Variants in SLC38A4 observed in about 807,000 individuals in gnomAD.
The protein encoded by SLC38A4 is solute carrier family 38 member 4.
In SLC38A4, 20 loss-of-function variants were observed where a neutral mutation model predicts 63.1. The ratio of observed to expected loss-of-function variants is 0.32; its 90% CI spans 0.22 to 0.46. The LOEUF (loss-of-function observed/expected upper bound fraction) is 0.46. Among genes scored for constraint, SLC38A4 ranks in the 20% least tolerant of loss-of-function variants. The pLI is 1.00. For missense variants in SLC38A4, 526 were observed against 663.6 expected (o/e 0.79, Z 2.28); for synonymous variants, 230 against 225.5 (o/e 1.02, Z -0.18).
At position 46,785,697 on chromosome 12, in the gene SLC38A4, TAGAGAAAGC is replaced by T. The variant is rs537267740; in HGVS notation, c.327-529_327-521del. Among the ~76,000 whole-genome samples, 8 of 146,738 alleles carry T rather than the reference TAGAGAAAGC, an allele frequency of 5.5e-5. No homozygotes were observed. The Admixed American group carries it at 5.6e-4, about 10-fold the overall frequency. On this transcript the variant is annotated intron_variant, in intron 5 of 16. Transcript: ENST00000266579. ...GAGGGGCAGGCAGTTGCATATATAATAGAGAAAGCAGAGAAAGCTAAGGATGGGGCACGA... is the reference window on the plus strand; with the variant it reads ...GAGGGGCAGGCAGTTGCATATATAATAGAGAAAGCTAAGGATGGGGCACGA...
chr12:46,801,682 A>G (rs1321083661), intron 2 of SLC38A4, among the ~76,000 whole-genome samples: 11 of 152,070 alleles, frequency 7.2e-5, no homozygotes, highest in Admixed American at 3.3e-4. Context: ...TTAAATCTAC[A>G]TCCACCCTGT....
intron 14 of SLC38A4, among the ~76,000 whole-genome samples, chr12:46,770,106 T>C (rs1376772028): frequency 1.3e-5 from 2 of 152,034 alleles, no homozygotes; most frequent in Non-Finnish European, 2.9e-5. Flanking sequence ...ATAATCTCGG[T>C]CAGAAAGAGA....
At chr12:46,819,386 A>G (rs77737973) in intron 1 of SLC38A4, among the ~76,000 whole-genome samples, 3,497 of 151,866 alleles carry the variant, frequency 0.023, 149 homozygotes, top group African/African-American at 0.081. Context: ...GGTTTGATGA[A>G]TATGCTAATT....
Position 46,779,676 on chromosome 12 carries a change from G to T in SLC38A4, c.659-7C>A. 1 of 1,602,840 alleles carries T rather than the reference G, an allele frequency of 6.2e-7. No homozygotes were observed. Among genetic ancestry groups the T allele is most frequent in the Middle Eastern group, 1.7e-4 (1 of 5,980 alleles). On this transcript the variant is annotated splice_region_variant and splice_polypyrimidine_tract_variant and intron_variant, in intron 9 of 16. Transcript: ENST00000266579. ...CTGGTATAGCCAAGATAACCTAGAA[G>T]TTAGAAGAAGCATTTTGGAAGGTGA...
chr12:46,795,775 T>C (rs959624523), intron 2 of SLC38A4, among the ~76,000 whole-genome samples: 1 of 152,148 alleles, frequency 6.6e-6, no homozygotes, highest in African/African-American at 2.4e-5. Context: ...CTAGCTTCTA[T>C]TGATGAGTCT....
rs1592178305 is a variant in SLC38A4 at position 46,778,869 on chromosome 12, G to T, written c.718-93C>A. 3.1e-5 allele frequency: 36 copies of T among 1,145,188 alleles called. No homozygotes were observed. In the East Asian group the frequency reaches 8.9e-4, roughly 28 times the overall value. The allele number at this position is 1,145,188 out of a possible 1,614,324, so 70.9% of individuals were successfully genotyped here. The stretch of plus-strand genomic sequence containing the variant: ...ATATGTGTGGCTTATAGGGTGGGGG[G>T]TGAGGGAACTCAGTTAGGGATTCCT... On this transcript the variant is annotated intron_variant, in intron 10 of 16. Transcript: ENST00000266579.
At chr12:46,808,070 C>T (rs1447160877) in intron 1 of SLC38A4, among the ~76,000 whole-genome samples, 3 of 152,054 alleles carry the variant, frequency 2.0e-5, no homozygotes, top group African/African-American at 4.8e-5. Context: ...AATGGGATTA[C>T]TAAAATGTAG....
chr12:46,815,163 G>A (rs1939412821), intron 1 of SLC38A4, among the ~76,000 whole-genome samples: 1 of 149,882 alleles, frequency 6.7e-6, no homozygotes, highest in Admixed American at 6.7e-5. Flanking sequence ...TTGAATAGAA[G>A]ATGTATATGA....
At chr12:46,784,083 ACT>A (rs1316862469) in intron 7 of SLC38A4, among the ~76,000 whole-genome samples, 1 of 152,014 alleles carries the variant, frequency 6.6e-6, no homozygotes, top group Admixed American at 6.6e-5. Flanking sequence ...TTCCAGAGAC[ACT>A]GTCTAGTGGG....
intron 2 of SLC38A4, among the ~76,000 whole-genome samples, chr12:46,797,699 A>G (rs1460835492): frequency 6.6e-6 from 1 of 152,240 alleles, no homozygotes; most frequent in Non-Finnish European, 1.5e-5. Context: ...AACTCTGATG[A>G]ATACATATAC....
chr12:46,815,548 T>C (rs140024216), intron 1 of SLC38A4, among the ~76,000 whole-genome samples: 1 of 151,636 alleles, frequency 6.6e-6, no homozygotes, highest in Non-Finnish European at 1.5e-5. Flanking sequence ...TGGGATAGAG[T>C]AAGAGCTAAA....
chr12:46,809,494 A>C (rs994080022), intron 1 of SLC38A4, among the ~76,000 whole-genome samples: 1 of 152,034 alleles, frequency 6.6e-6, no homozygotes, highest in South Asian at 2.1e-4. Flanking sequence ...CTGGACTCCA[A>C]GCAACTCCCA....
At chr12:46,821,269 A>G (rs1939541285) in intron 1 of SLC38A4, among the ~76,000 whole-genome samples, 1 of 151,944 alleles carries the variant, frequency 6.6e-6, no homozygotes, top group Non-Finnish European at 1.5e-5. Flanking sequence ...CCTATGTTTT[A>G]TCCTAGGAGT....
chr12:46,780,371 G>T (rs114625040), intron 7 of SLC38A4, among the ~76,000 whole-genome samples: 146 of 152,154 alleles, frequency 9.6e-4, no homozygotes, highest in African/African-American at 3.4e-3. Context: ...AACTTGGGCA[G>T]TAGTCTGGCA....
intron 13 of SLC38A4, 123 bp downstream of exon 13, chr12:46,776,781 T>C: frequency 2.7e-6 from 2 of 742,212 alleles, no homozygotes; most frequent in South Asian, 1.6e-5. Context: ...AGTATATTAA[T>C]TGAATATGTG....
At chr12:46,808,614 T>C (rs1233889094) in intron 1 of SLC38A4, among the ~76,000 whole-genome samples, 1 of 152,146 alleles carries the variant, frequency 6.6e-6, no homozygotes, top group East Asian at 1.9e-4. Flanking sequence ...GTCCACTTCA[T>C]TTATTGATCC....
chr12:46,829,401 G>A (rs1319935162), upstream of SLC38A4, among the ~76,000 whole-genome samples: 2 of 150,836 alleles, frequency 1.3e-5, no homozygotes. Flanking sequence ...ATATATAACA[G>A]CCTTTGATTT....
intron 1 of SLC38A4, among the ~76,000 whole-genome samples, chr12:46,804,897 T>G (rs1228073051): frequency 1.3e-5 from 2 of 152,038 alleles, no homozygotes; most frequent in Non-Finnish European, 2.9e-5. Context: ...CTTTTAAAAT[T>G]TCTATTTCCA....
At chr12:46,823,151 T>C (rs1939584780) in intron 1 of SLC38A4, among the ~76,000 whole-genome samples, 1 of 152,172 alleles carries the variant, frequency 6.6e-6, no homozygotes, top group South Asian at 2.1e-4. Context: ...TATCACACCT[T>C]CCTAATGACT....
Sources: allele counts gnomAD v4.1 joint callset (sites outside exome capture counted in the v4.1 genomes callset), GRCh38; gene constraint gnomAD v4.1.1; transcripts MANE v1.5; gene names NCBI Gene and HGNC (gene_info 2026-07-23, HGNC 2026-07-21).